CSMD3: variants seen among roughly 807,000 people sequenced by gnomAD.
The protein encoded by CSMD3 is CUB and Sushi multiple domains 3, also known as CUB and sushi domain-containing protein 3.
A neutral mutation model predicts 435.2 loss-of-function variants in CSMD3; 177 were observed. The ratio of observed to expected loss-of-function variants is 0.41; its 90% CI spans 0.36 to 0.46. The LOEUF (loss-of-function observed/expected upper bound fraction) is 0.46. CSMD3 is among the 20% of genes least tolerant of loss of function. The pLI is 0.34. For missense variants in CSMD3, 4,265 were observed against 4,504.6 expected (o/e 0.95, Z 1.52); for synonymous variants, 1,656 against 1,520.5 (o/e 1.09, Z -2.07).
chr8:112,383,786 A>AT, intron 36 of CSMD3, 123 bp from the exon 37 acceptor site: 3 of 723,246 alleles, frequency 4.1e-6, no homozygotes, highest in Non-Finnish European at 7.5e-6. Context: ...GACCCTTCAT[A>AT]GAAGGGTTTT....
At chr8:112,437,658 C>A (rs1814519739) in intron 32 of CSMD3, among the ~76,000 whole-genome samples, 1 of 151,918 alleles carries the variant, frequency 6.6e-6, no homozygotes, top group South Asian at 2.1e-4. Context: ...TCTTTTATAA[C>A]AAAATATACT....
rs376627682 is a variant in CSMD3 at position 112,943,840 on chromosome 8, C to T, written c.1508+3950G>A. Among the ~76,000 whole-genome samples, 466 of 151,636 alleles carry T rather than the reference C, an allele frequency of 3.1e-3. 1 individual carries two copies. The highest frequency in any genetic ancestry group is 0.01 in the African/African-American group (432 of 41,438). On this transcript the variant is annotated intron_variant, in intron 9 of 70. Coordinates refer to ENST00000297405, the MANE Select transcript of CSMD3 (RefSeq NM_198123.2). ...CTGATCCACTCTCCTTTTAAAAGTC[C>T]CCCAATTTATATCGCTACTTGAAGA...
intron 4 of CSMD3, among the ~76,000 whole-genome samples, chr8:113,120,092 G>A (rs1045323451): frequency 6.6e-6 from 1 of 151,882 alleles, no homozygotes; most frequent in Non-Finnish European, 1.5e-5. Flanking sequence ...ATGTATATAT[G>A]TTCAAACACA....
chr8:112,596,163 G>A (rs1195169339), intron 22 of CSMD3, among the ~76,000 whole-genome samples: 1 of 151,484 alleles, frequency 6.6e-6, no homozygotes, highest in Non-Finnish European at 1.5e-5. Flanking sequence ...ATAAAAGGAT[G>A]GAGGAAGATC....
intron 1 of CSMD3, among the ~76,000 whole-genome samples, chr8:113,394,128 G>A (rs1199338422): frequency 2.0e-5 from 3 of 148,756 alleles, no homozygotes; most frequent in Non-Finnish European, 4.5e-5. Context: ...TTATAACTGG[G>A]TACTAAAAAA....
intron 20 of CSMD3, among the ~76,000 whole-genome samples, chr8:112,640,055 A>T (rs1345772957): frequency 6.6e-6 from 1 of 152,118 alleles, no homozygotes; most frequent in African/African-American, 2.4e-5. Context: ...GTTGCTCCGT[A>T]TCTTCTCCAA....
chr8:112,324,655 C>T (rs1823326611), intron 45 of CSMD3, among the ~76,000 whole-genome samples: 1 of 151,094 alleles, frequency 6.6e-6, no homozygotes, highest in Admixed American at 6.6e-5. Context: ...TCGAAAAGAG[C>T]AAAAATCAGG....
intron 60 of CSMD3, among the ~76,000 whole-genome samples, chr8:112,264,217 T>C (rs999254093): frequency 1.3e-5 from 2 of 152,264 alleles, no homozygotes; most frequent in South Asian, 4.1e-4. Flanking sequence ...ATCTTAATCA[T>C]GGAATTTGAA....
At chr8:112,982,630 C>T (rs1476578612) in intron 6 of CSMD3, among the ~76,000 whole-genome samples, 1 of 151,904 alleles carries the variant, frequency 6.6e-6, no homozygotes, top group African/African-American at 2.4e-5. Context: ...TCAGAAGCAC[C>T]TCATTTTCAT....
At chr8:112,445,393 A>C (rs1168988956) in intron 32 of CSMD3, among the ~76,000 whole-genome samples, 1 of 152,154 alleles carries the variant, frequency 6.6e-6, no homozygotes, top group Admixed American at 6.6e-5. Context: ...GCTGTACAGG[A>C]TACATGGCGC....
At chr8:112,677,684 T>C (rs1189320998) in intron 16 of CSMD3, among the ~76,000 whole-genome samples, 1 of 151,952 alleles carries the variant, frequency 6.6e-6, no homozygotes, top group Non-Finnish European at 1.5e-5. Context: ...ATTCAAGATA[T>C]GATGTTCCAG....
In CSMD3 at chr8:112,651,574, G is replaced by A. The variant is rs113232083; in HGVS notation, c.3005-1225C>T. Reference sequence around the variant, plus strand: ...TTTTTTTTTGACGGAGTCTCGCTTTGTCGCCCAGGCTGGAGTACAATGGCG... The same window carrying A: ...TTTTTTTTTGACGGAGTCTCGCTTTATCGCCCAGGCTGGAGTACAATGGCG... On this transcript the variant is annotated intron_variant, in intron 18 of 70. Coordinates refer to ENST00000297405, the MANE Select transcript of CSMD3 (RefSeq NM_198123.2). Among the ~76,000 whole-genome samples, 11 of 135,346 alleles carry A rather than the reference G, an allele frequency of 8.1e-5. 1 individual carries two copies. The highest frequency in any genetic ancestry group is 3.1e-4 in the African/African-American group (11 of 35,084). The allele number at this position is 135,346 out of a possible 152,430, so 88.8% of individuals were successfully genotyped here.
chr8:113,040,973 T>C (rs112554092), intron 5 of CSMD3, among the ~76,000 whole-genome samples: 7,157 of 151,578 alleles, frequency 0.047, 231 homozygotes, highest in Non-Finnish European at 0.07. Context: ...GGAAGCTGAG[T>C]TGGGCAGCTT....
chr8:112,849,785 A>G (rs1022740134), intron 11 of CSMD3, among the ~76,000 whole-genome samples: 1 of 151,944 alleles, frequency 6.6e-6, no homozygotes, highest in Non-Finnish European at 1.5e-5. Context: ...CTTAAGTAAA[A>G]TACGTATTTT....
chr8:113,409,973 A>G (rs1246098317), intron 1 of CSMD3, among the ~76,000 whole-genome samples: 2 of 151,576 alleles, frequency 1.3e-5, no homozygotes, highest in Non-Finnish European at 2.9e-5. Flanking sequence ...GAGTTTTTAT[A>G]TCTAAAATAA....
At chr8:112,927,022 C>A (rs1307619230) in intron 9 of CSMD3, among the ~76,000 whole-genome samples, 1 of 152,066 alleles carries the variant, frequency 6.6e-6, no homozygotes, top group Non-Finnish European at 1.5e-5. Context: ...CAAACCATTT[C>A]TGTAGCAAAA....
At chr8:113,071,912 T>C (rs2089139036) in intron 5 of CSMD3, among the ~76,000 whole-genome samples, 1 of 151,808 alleles carries the variant, frequency 6.6e-6, no homozygotes, top group Non-Finnish European at 1.5e-5. Context: ...ATTATGGGCA[T>C]TTAAAAAATA....
Position 112,291,613 on chromosome 8 carries a change from A to C in CSMD3, c.8871T>G (p.Thr2957=). 1 of 1,610,698 alleles carries C rather than the reference A, an allele frequency of 6.2e-7. No individual in the cohort carries two copies. The highest frequency in any genetic ancestry group is 8.5e-7 in the Non-Finnish European group (1 of 1,177,214). Residue 2957 remains threonine, a synonymous_variant, in exon 56 of 71, where the codon ACT becomes ACG. Transcript: ENST00000297405. ...CAGGATTGCAGTCATAGAATACCAC[A>C]GTGCCGTAAGTAAAATTTCCATGTT... The part of the protein sequence containing the change: ...KIEHGNFTYG[T]VVFYDCNPGY...
intron 16 of CSMD3, among the ~76,000 whole-genome samples, chr8:112,678,849 T>G (rs1483305372): frequency 6.6e-6 from 1 of 152,120 alleles, no homozygotes; most frequent in Non-Finnish European, 1.5e-5. Context: ...TGAAGATAAT[T>G]TAAAAGTTTC....
Sources: allele counts gnomAD v4.1 joint callset (sites outside exome capture counted in the v4.1 genomes callset), GRCh38; gene constraint gnomAD v4.1.1; transcripts MANE v1.5; gene names NCBI Gene and HGNC (gene_info 2026-07-23, HGNC 2026-07-21).